Variants in DLG2 observed in about 807,000 individuals in gnomAD.
DLG2 encodes the protein discs large MAGUK scaffold protein 2, also known as disks large homolog 2.
Under a neutral mutation model 132.5 loss-of-function variants are expected in DLG2, and 45 were observed. The observed-to-expected ratio is 0.34, with a 90% CI of 0.27 to 0.44. DLG2 has a LOEUF of 0.44. DLG2 is among the 20% of genes least tolerant of loss of function. The pLI is 1.00. For missense variants in DLG2, 1,045 were observed against 1,196.9 expected, an observed-to-expected ratio of 0.87 and a Z score of 1.87; for synonymous variants, 424 against 419.6, an observed-to-expected ratio of 1.01 and a Z score of -0.13.
Position 83,965,445 on chromosome 11 carries a change from T to C in DLG2, c.1080A>G (p.Glu360=). 1.2e-6 allele frequency: 2 copies of C among 1,610,896 alleles called. No individual in the cohort carries two copies. The highest frequency in any genetic ancestry group is 1.1e-5 in the South Asian group (1 of 90,788). The change falls in exon 13 of 28, where the codon GAA becomes GAG. Residue 360 remains glutamate, a synonymous_variant. Coordinates refer to ENST00000376104, the MANE Select transcript of DLG2 (RefSeq NM_001142699.3). ...LLMVNNYSLE[E]VTHEEAVAIL... ...TTGCTACTGCCTCTTCGTGTGTTAC[T>C]TCTTCTAAACTGTAGTTGTTTACCT...
chr11:84,180,620 T>C (rs774825803), intron 8 of DLG2, among the ~76,000 whole-genome samples: 1 of 152,088 alleles, frequency 6.6e-6, no homozygotes, highest in Non-Finnish European at 1.5e-5. Flanking sequence ...CATCTAGGCA[T>C]ACCATATTCA....
intron 3 of DLG2, among the ~76,000 whole-genome samples, chr11:85,442,188 G>C (rs1007897572): frequency 6.6e-6 from 1 of 152,116 alleles, no homozygotes; most frequent in Admixed American, 6.6e-5. Flanking sequence ...GTAGTAGAAT[G>C]CCATTTAAAA....
chr11:84,662,786 C>CAAAAAAAAAAAAAAAAAAAA (rs752017709), intron 6 of DLG2, among the ~76,000 whole-genome samples: 1 of 80,296 alleles, frequency 1.2e-5, no homozygotes, highest in Non-Finnish European at 2.5e-5. Flanking sequence ...GACTCTGTCA[C>CAAAAAAAAAAAAAAAAAAAA]AAAAAAAAAA....
At chr11:83,480,596 C>A in intron 22 of DLG2, 1 of 1,555,076 alleles carries the variant, frequency 6.4e-7, no homozygotes, top group African/African-American at 1.4e-5. Flanking sequence ...CTCCATTTTA[C>A]AGGAACCCGC....
At chr11:84,739,021 G>C (rs996542454) in intron 6 of DLG2, among the ~76,000 whole-genome samples, 1 of 152,082 alleles carries the variant, frequency 6.6e-6, no homozygotes, top group East Asian at 1.9e-4. Flanking sequence ...TAGATCTACT[G>C]CTTCCTAGGC....
rs1051204293 is a variant in DLG2, at chr11:84,058,014, T to C, written c.919+1301A>G. Reference sequence around the variant, plus strand: ...CTATGGATTGATGCTACCATTATGATCCCCATTTAATAATGAGGGAGCAGG... The same window carrying C: ...CTATGGATTGATGCTACCATTATGACCCCCATTTAATAATGAGGGAGCAGG... On this transcript the variant is annotated intron_variant, in intron 11 of 27. Transcript: ENST00000376104. 5.9e-5 allele frequency among the ~76,000 whole-genome samples: 9 copies of C among 152,230 alleles called. No homozygotes were observed. In the East Asian group the frequency reaches 1.7e-3, roughly 29 times the overall value.
chr11:85,372,198 G>T (rs956968974), intron 3 of DLG2, among the ~76,000 whole-genome samples: 4 of 152,166 alleles, frequency 2.6e-5, no homozygotes, highest in Admixed American at 6.5e-5. Flanking sequence ...TGCAAATCCT[G>T]CCAGGTGATG....
At chr11:83,707,644 C>T (rs2084355891) in intron 18 of DLG2, among the ~76,000 whole-genome samples, 1 of 152,202 alleles carries the variant, frequency 6.6e-6, no homozygotes, top group Admixed American at 6.5e-5. Flanking sequence ...GCACTTCAGC[C>T]TGGACAACAG....
intron 4 of DLG2, among the ~76,000 whole-genome samples, chr11:85,250,167 G>A (rs951131871): frequency 2.5e-4 from 38 of 152,060 alleles, no homozygotes; most frequent in Admixed American, 7.2e-4. Context: ...TACGTTTGAC[G>A]GTTTTAAAGG....
At chr11:84,839,442 C>A (rs2154005919) in intron 6 of DLG2, among the ~76,000 whole-genome samples, 1 of 152,126 alleles carries the variant, frequency 6.6e-6, no homozygotes, top group East Asian at 1.9e-4. Flanking sequence ...AGATTCAATG[C>A]CATCCCCATC....
At chr11:84,422,364 G>A (rs2098953744) in intron 7 of DLG2, among the ~76,000 whole-genome samples, 1 of 152,150 alleles carries the variant, frequency 6.6e-6, no homozygotes, top group Non-Finnish European at 1.5e-5. Flanking sequence ...GCCTACCGCA[G>A]TTCTGGGCAC....
At chr11:84,700,389 T>C (rs1352229827) in intron 6 of DLG2, among the ~76,000 whole-genome samples, 1 of 151,534 alleles carries the variant, frequency 6.6e-6, no homozygotes, top group Non-Finnish European at 1.5e-5. Flanking sequence ...CATGGGCATG[T>C]AAAAATTGAT....
Position 83,459,559 on chromosome 11 carries a change from C to T in DLG2, c.*259G>A, listed in dbSNP as rs574737968. The T allele has an allele frequency of 4.8e-5, 14 of 294,432 alleles. No individual in the cohort carries two copies. Among genetic ancestry groups the T allele is most frequent in the South Asian group, 2.9e-4 (4 of 13,750 alleles). 18.2% of individuals were successfully genotyped at this position (294,432 alleles called of 1,614,324 possible). A position where few individuals can be genotyped will look rare whatever the true frequency, so the allele number is the denominator to read the frequency against. The stretch of plus-strand genomic sequence containing the variant: ...CATCTCATCTCTTGGGCAGAAAGCC[C>T]GTCAGAGGTTCATCCCTACACCTGG... On this transcript the variant is annotated 3_prime_UTR_variant, in exon 28 of 28. Coordinates refer to ENST00000376104, the MANE Select transcript of DLG2 (RefSeq NM_001142699.3).
chr11:85,027,578 C>A (rs893478828), intron 6 of DLG2, among the ~76,000 whole-genome samples: 1 of 152,176 alleles, frequency 6.6e-6, no homozygotes, highest in East Asian at 1.9e-4. Flanking sequence ...AGTGTATGAG[C>A]GAATGAGCAT....
At chr11:84,382,239 G>GT (rs1468636967) in intron 7 of DLG2, among the ~76,000 whole-genome samples, 28 of 151,358 alleles carry the variant, frequency 1.8e-4, no homozygotes, top group East Asian at 3.9e-4. Context: ...CCTCAAACCA[G>GT]TTTTTTTTTC....
intron 21 of DLG2, among the ~76,000 whole-genome samples, chr11:83,501,937 A>G (rs1276334114): frequency 2.6e-5 from 4 of 152,122 alleles, no homozygotes; most frequent in African/African-American, 9.7e-5. Flanking sequence ...TTTTCGTTTC[A>G]TCTTCAGCTT....
chr11:84,094,939 T>A (rs79102946), intron 10 of DLG2, among the ~76,000 whole-genome samples: 1 of 152,316 alleles, frequency 6.6e-6, no homozygotes, highest in East Asian at 1.9e-4. Flanking sequence ...GGGTTTTTTT[T>A]AAGCAAAGGA....
intron 18 of DLG2, among the ~76,000 whole-genome samples, chr11:83,776,153 T>C (rs948979633): frequency 2.0e-5 from 3 of 152,048 alleles, no homozygotes; most frequent in African/African-American, 7.2e-5. Context: ...TGCTTTTCTG[T>C]GAAGGGTTTG....
At chr11:84,763,550 G>A (rs983549861) in intron 6 of DLG2, among the ~76,000 whole-genome samples, 5 of 151,998 alleles carry the variant, frequency 3.3e-5, no homozygotes, top group Admixed American at 6.6e-5. Flanking sequence ...CAATTCTGGC[G>A]TTACCATCAG....
Sources: gnomAD v4.1 joint callset for allele counts (sites outside exome capture counted in the v4.1 genomes callset) on GRCh38, gnomAD v4.1.1 for gene constraint, MANE v1.5 for transcripts, NCBI Gene and HGNC (gene_info 2026-07-23, HGNC 2026-07-21) for gene names.